PNLDC1: variants seen among roughly 807,000 people sequenced by gnomAD.
The protein encoded by PNLDC1 is poly(A)-specific ribonuclease PNLDC1.
A neutral mutation model predicts 82.0 loss-of-function variants in PNLDC1; 70 were observed. The observed-to-expected ratio is 0.85, with a 90% CI of 0.70 to 1.04. PNLDC1 has a LOEUF of 1.04. Among genes scored for constraint, PNLDC1 ranks in the 50% least tolerant of loss-of-function variants. The pLI is 0.00. For synonymous variants in PNLDC1, 280 were observed against 249.3 expected, an observed-to-expected ratio of 1.12 and a Z score of -1.16; for missense variants, 631 against 661.1, an observed-to-expected ratio of 0.95 and a Z score of 0.50.
At chr6:159,806,289 C>G (rs1781444535) in intron 7 of PNLDC1, among the ~76,000 whole-genome samples, 1 of 152,206 alleles carries the variant, frequency 6.6e-6, no homozygotes, top group Non-Finnish European at 1.5e-5. Context: ...TTTCGACATA[C>G]TTTGGGTTTC....
intron 6 of PNLDC1, 102 bp from the exon 7 acceptor site, chr6:159,805,881 C>A: frequency 2.4e-6 from 2 of 834,862 alleles, no homozygotes. Flanking sequence ...TATATTGCAA[C>A]ATGAAAACCA....
chr6:159,817,392 C>T (rs988005608), intron 15 of PNLDC1, among the ~76,000 whole-genome samples: 4 of 152,242 alleles, frequency 2.6e-5, no homozygotes, highest in African/African-American at 7.2e-5. Context: ...CCCTCATCCC[C>T]GCAGATGTCA....
intron 10 of PNLDC1, among the ~76,000 whole-genome samples, chr6:159,811,392 A>G (rs1179309779): frequency 1.3e-5 from 2 of 152,056 alleles, no homozygotes; most frequent in African/African-American, 4.8e-5. Context: ...TGCCTTTCTG[A>G]TAATACTTCT....
chr6:159,812,696 C>T (rs558617135), intron 11 of PNLDC1, among the ~76,000 whole-genome samples: 20 of 152,258 alleles, frequency 1.3e-4, no homozygotes, highest in African/African-American at 2.2e-4. Flanking sequence ...TAGAGAAAAG[C>T]GACCTGACTG....
intron 1 of PNLDC1, 123 bp from the exon 2 acceptor site, chr6:159,800,649 C>T: frequency 2.5e-6 from 4 of 1,581,442 alleles, no homozygotes; most frequent in Non-Finnish European, 3.4e-6. Context: ...CCCTTCCTGA[C>T]CTCACTTGGC....
chr6:159,806,131 C>G (rs753174091), intron 7 of PNLDC1, 48 bp downstream of exon 7: 1 of 1,425,192 alleles, frequency 7.0e-7, no homozygotes, highest in South Asian at 1.1e-5. Flanking sequence ...GGACAGGTCA[C>G]TGTCACCTGC....
At position 159,816,182 on chromosome 6, in the gene PNLDC1, C is replaced by T. The variant is rs868372700; in HGVS notation, c.1060+149C>T. The stretch of plus-strand genomic sequence containing the variant: ...CCCCCCACACCCCTCCCCTCCCCCC[C>T]ACCTCTCCCCCTGCCCCGCCCCAGG... On this transcript the variant is annotated intron_variant, in intron 13 of 18. Coordinates refer to ENST00000392167, the MANE Select transcript of PNLDC1 (RefSeq NM_001271862.2). The T allele has an allele frequency of 9.6e-6, 4 of 415,862 alleles. 1 individual carries two copies. The highest frequency in any genetic ancestry group is 4.1e-5 in the Admixed American group (1 of 24,466). 25.8% of individuals were successfully genotyped at this position (415,862 alleles called of 1,614,324 possible). A position where few individuals can be genotyped will look rare whatever the true frequency, so the allele number is the denominator to read the frequency against.
intron 6 of PNLDC1, among the ~76,000 whole-genome samples, chr6:159,804,926 C>T (rs2115030686): frequency 6.6e-6 from 1 of 152,346 alleles, no homozygotes; most frequent in South Asian, 2.1e-4. Context: ...CTCAAAGAAA[C>T]AAGAATTCCA....
In PNLDC1 at chr6:159,819,428, T is replaced by G; in HGVS notation, c.1532+76T>G. On this transcript the variant is annotated intron_variant, in intron 18 of 18. Coordinates refer to ENST00000392167, the MANE Select transcript of PNLDC1 (RefSeq NM_001271862.2). This position sits in a 1 kb window ranked among gnomAD's most constrained non-coding sequence, Gnocchi z 4.6. ...GGGGTCCCAGCATCCCAGCATGGTC[T>G]GACTCGAGCACAGCTCACTTGCTGG... 7.6e-7 allele frequency: 1 copy of G among 1,308,036 alleles called. No individual in the cohort carries two copies. Among genetic ancestry groups the G allele is most frequent in the Non-Finnish European group, 1.1e-6 (1 of 934,468 alleles). The allele number at this position is 1,308,036 out of a possible 1,614,324, so 81.0% of individuals were successfully genotyped here. A position where few individuals can be genotyped will look rare whatever the true frequency, so the allele number is the denominator to read the frequency against.
intron 12 of PNLDC1, among the ~76,000 whole-genome samples, chr6:159,814,634 A>G (rs967849987): frequency 2.0e-5 from 3 of 152,214 alleles, no homozygotes; most frequent in Non-Finnish European, 4.4e-5. Context: ...CTGTGTGTGC[A>G]TGAGAGGGCA....
intron 14 of PNLDC1, 32 bp downstream of exon 14, chr6:159,816,628 CACTT>C (rs1328484993): frequency 1.4e-5 from 20 of 1,465,464 alleles, no homozygotes; most frequent in Admixed American, 2.2e-5. Context: ...AAAGGAAACT[CACTT>C]TTTTTTTTTT....
At chr6:159,820,009 G>T (rs1055958997) in intron 18 of PNLDC1, among the ~76,000 whole-genome samples, 4 of 152,142 alleles carry the variant, frequency 2.6e-5, no homozygotes, top group Non-Finnish European at 5.9e-5. Context: ...GAGGCGAGAC[G>T]CTGTGAGAGC....
Position 159,820,515 on chromosome 6 carries a change from T to C in PNLDC1, c.1594T>C (p.Ter532ArgextTer45), listed in dbSNP as rs576011621. 7 of 1,613,968 alleles carry C rather than the reference T, an allele frequency of 4.3e-6. No homozygotes were observed. In the South Asian group the frequency reaches 5.5e-5, roughly 13 times the overall value. Reference sequence around the variant, plus strand: ...GTTCATCCTTGGAAGATCTGGTACCTGAGTGCAGCGAGGCCTCCTGCGGCC... The same window carrying C: ...GTTCATCCTTGGAAGATCTGGTACCCGAGTGCAGCGAGGCCTCCTGCGGCC... ...LAFILGRSGT* is the reference protein window; with the variant it reads ...LAFILGRSGTR The change falls in exon 19 of 19, where the codon TGA becomes CGA. Residue 532 changes from the stop codon to arginine, a stop_lost. Transcript: ENST00000392167.
At position 159,813,618 on chromosome 6, in the gene PNLDC1, G is replaced by T. The variant is rs775255630; in HGVS notation, c.957G>T (p.Arg319Ser). 7.4e-6 allele frequency: 12 copies of T among 1,613,484 alleles called. 1 individual carries two copies. In the South Asian group the frequency reaches 1.3e-4, roughly 18 times the overall value. Residue 319 changes from arginine to serine, a missense_variant, in exon 12 of 19, where the codon AGG (arginine) becomes AGT (serine). Physicochemically the swap from Arg to Ser is moderately radical, Grantham distance 110. Coordinates refer to ENST00000392167, the MANE Select transcript of PNLDC1 (RefSeq NM_001271862.2). ...KDIWKEMNFP[R>S]VSNLSEVYEV... ...GATTGTAGGAGATGAATTTCCCGAG[G>T]GTGTCGAATCTTTCGGAAGTCTATG... is the stretch of plus-strand genomic sequence containing the variant.
At chr6:159,820,409 G>A (rs375037412) in intron 18 of PNLDC1, 45 bp from the exon 19 acceptor site, 96 of 1,604,528 alleles carry the variant, frequency 6.0e-5, no homozygotes, top group Non-Finnish European at 8.1e-5. Flanking sequence ...GTGCCTCTCG[G>A]CCTGCTGGGT....
Position 159,819,889 on chromosome 6 carries a change from G to A in PNLDC1, c.1532+537G>A, listed in dbSNP as rs1354588168. Among the ~76,000 whole-genome samples, 1 of 152,134 alleles carries A rather than the reference G, an allele frequency of 6.6e-6. No individual in the cohort carries two copies. The highest frequency in any genetic ancestry group is 1.5e-5 in the Non-Finnish European group (1 of 68,020). On this transcript the variant is annotated intron_variant, in intron 18 of 18. Transcript: ENST00000392167. This position sits in a 1 kb window ranked among gnomAD's most constrained non-coding sequence, Gnocchi z 4.6. ...AGGAACCAGTGCCCCCCAGCTGGGG[G>A]CCACCCAGGGAGGACGTGGGCTTCT...
At chr6:159,799,501 A>G (rs1260700098), upstream of PNLDC1, among the ~76,000 whole-genome samples, 1 of 152,186 alleles carries the variant, frequency 6.6e-6, no homozygotes, top group Admixed American at 6.5e-5. Context: ...AACCTTAAAG[A>G]TTGATTTGAG....
chr6:159,800,286 G>A lies in PNLDC1; in HGVS notation c.-22G>A, dbSNP rs114432130. 948 of 1,540,132 alleles carry A rather than the reference G, an allele frequency of 6.2e-4. 4 individuals are homozygous for A. The African/African-American group carries it at 0.011, about 18-fold the overall frequency. On this transcript the variant is annotated 5_prime_UTR_variant, in exon 1 of 19. Coordinates refer to ENST00000392167, the MANE Select transcript of PNLDC1 (RefSeq NM_001271862.2). ...TGGGCAGCACGTGATAGCGCTGGGCGACTCCGCGGAGCTGCACGGCCATGG... is the reference window on the plus strand; with the variant it reads ...TGGGCAGCACGTGATAGCGCTGGGCAACTCCGCGGAGCTGCACGGCCATGG...
intron 9 of PNLDC1, 58 bp downstream of exon 9, chr6:159,809,216 A>G (rs1781562960): frequency 1.3e-6 from 2 of 1,572,424 alleles, no homozygotes; most frequent in Non-Finnish European, 1.7e-6. Context: ...TTCTGGTCAT[A>G]GATACTAAAG....
Sources: gnomAD v4.1 joint callset for allele counts (sites outside exome capture counted in the v4.1 genomes callset) on GRCh38, gnomAD v4.1.1 for gene constraint, Gnocchi (gnomAD v3.1) non-coding constraint, MANE v1.5 for transcripts, NCBI Gene and HGNC (gene_info 2026-07-23, HGNC 2026-07-21) for gene names.